Variants in TMEM87A observed in about 807,000 individuals in gnomAD.
The protein encoded by TMEM87A is transmembrane protein 87A.
In TMEM87A, 50 loss-of-function variants were observed where a neutral mutation model predicts 90.0. The observed-to-expected ratio is 0.56, with a 90% CI of 0.44 to 0.70. The LOEUF is 0.70. Among genes scored for constraint, TMEM87A ranks in the 30% least tolerant of loss-of-function variants. TMEM87A has a pLI of 0.00. For synonymous variants in TMEM87A, 226 were observed against 226.7 expected, an observed-to-expected ratio of 1.00 and a Z score of 0.03; for missense variants, 577 against 660.5, an observed-to-expected ratio of 0.87 and a Z score of 1.39.
Position 42,211,105 on chromosome 15 carries a change from T to G in TMEM87A, c.*603A>C, listed in dbSNP as rs1482901592. 1 of 152,370 alleles carries G rather than the reference T, an allele frequency of 6.6e-6. No homozygotes were observed. The highest frequency in any genetic ancestry group is 1.5e-5 in the Non-Finnish European group (1 of 67,998). The allele number at this position is 152,370 out of a possible 1,614,324, so 9.4% of individuals were successfully genotyped here. The stretch of plus-strand genomic sequence containing the variant: ...CAAAATTGCACTTGATTTTGCTTTT[T>G]TAAATGATCTGAATCATACTGTAAC... On this transcript the variant is annotated 3_prime_UTR_variant, in exon 20 of 20. Coordinates refer to ENST00000389834, the MANE Select transcript of TMEM87A (RefSeq NM_015497.5).
At chr15:42,224,466 T>C (rs1238226927) in intron 15 of TMEM87A, 1 of 152,220 alleles carries the variant, frequency 6.6e-6, no homozygotes. Flanking sequence ...CTTGATGTAC[T>C]TCCTCAGAAG....
intron 19 of TMEM87A, among the ~76,000 whole-genome samples, chr15:42,217,156 G>A (rs1421730913): frequency 6.6e-6 from 1 of 151,954 alleles, no homozygotes; most frequent in South Asian, 2.1e-4. Context: ...GTTTCACCAC[G>A]TTGCCCAGGC....
chr15:42,242,782 T>A (rs541353644), intron 7 of TMEM87A, among the ~76,000 whole-genome samples: 60 of 152,138 alleles, frequency 3.9e-4, no homozygotes, highest in Admixed American at 2.0e-3. Context: ...ACATTTTTTT[T>A]AAAAAAGGAA....
At chr15:42,258,317 A>G (rs2051221587) in intron 6 of TMEM87A, 1 of 689,996 alleles carries the variant, frequency 1.4e-6, no homozygotes, top group Non-Finnish European at 1.8e-6. Flanking sequence ...GAAGATAAAT[A>G]TATCACTGCA....
intron 19 of TMEM87A, among the ~76,000 whole-genome samples, chr15:42,216,911 C>T (rs2050392472): frequency 6.6e-6 from 1 of 151,070 alleles, no homozygotes; most frequent in Non-Finnish European, 1.5e-5. Context: ...ATATTCAGAA[C>T]ATATCCAGAA....
intron 6 of TMEM87A, among the ~76,000 whole-genome samples, chr15:42,247,116 T>G (rs1217188778): frequency 2.0e-5 from 3 of 152,248 alleles, no homozygotes. Context: ...TCTGTTCATA[T>G]CCTTTGTCCA....
At chr15:42,269,942 C>CAA (rs11308996) in intron 2 of TMEM87A, among the ~76,000 whole-genome samples, 62 of 71,636 alleles carry the variant, frequency 8.7e-4, no homozygotes, top group African/African-American at 2.6e-3. Flanking sequence ...GACTCCGTCT[C>CAA]AAAAAAAAAA....
At position 42,226,303 on chromosome 15, in the gene TMEM87A, G is replaced by A. The variant is rs541440042; in HGVS notation, c.1403+503C>T. On this transcript the variant is annotated intron_variant, in intron 15 of 19. Transcript: ENST00000389834. The stretch of plus-strand genomic sequence containing the variant: ...GCGTGAGCCACCACGCCCAGCCCCT[G>A]TGTCGGTATTTTTTTTTTTTTTTTG... Among the ~76,000 whole-genome samples the A allele has an allele frequency of 4.0e-5, 6 of 150,430 alleles. No individual in the cohort carries two copies. In the East Asian group the frequency reaches 1.2e-3, roughly 29 times the overall value.
intron 6 of TMEM87A, among the ~76,000 whole-genome samples, chr15:42,245,802 G>A (rs1204890220): frequency 2.6e-5 from 4 of 152,034 alleles, no homozygotes. Flanking sequence ...TAAGTGCTAG[G>A]ATTAAGGTGT....
At chr15:42,242,627 T>G (rs573147433) in intron 7 of TMEM87A, among the ~76,000 whole-genome samples, 27 of 152,090 alleles carry the variant, frequency 1.8e-4, no homozygotes, top group African/African-American at 6.5e-4. Flanking sequence ...AACCAAGTAG[T>G]GGTATCCCAG....
In TMEM87A at chr15:42,273,243, G is replaced by A. The variant is rs1357050052; in HGVS notation, c.144+12C>T. The A allele has an allele frequency of 3.1e-6, 5 of 1,613,902 alleles. No individual in the cohort carries two copies. Among genetic ancestry groups the A allele is most frequent in the Non-Finnish European group, 3.4e-6 (4 of 1,179,978 alleles). ...TCCTCTAGGTTCAGACGTTAGTGAAGTGAATACTCACCGACGGTATCGGAA... is the reference window on the plus strand; with the variant it reads ...TCCTCTAGGTTCAGACGTTAGTGAAATGAATACTCACCGACGGTATCGGAA... On this transcript the variant is annotated intron_variant, in intron 1 of 19. Coordinates refer to ENST00000389834, the MANE Select transcript of TMEM87A (RefSeq NM_015497.5).
intron 7 of TMEM87A, among the ~76,000 whole-genome samples, chr15:42,243,624 A>G (rs2140951602): frequency 6.7e-6 from 1 of 148,296 alleles, no homozygotes; most frequent in Non-Finnish European, 1.5e-5. Context: ...GGTTCAAGCG[A>G]TTCTCCCGCC....
chr15:42,246,907 C>T lies in TMEM87A; in HGVS notation c.505-2740G>A, dbSNP rs7163016. Among the ~76,000 whole-genome samples the T allele has an allele frequency of 2.6e-3, 403 of 152,336 alleles. 1 individual carries two copies. The highest frequency in any genetic ancestry group is 9.4e-3 in the African/African-American group (389 of 41,580). On this transcript the variant is annotated intron_variant, in intron 6 of 19. Transcript: ENST00000389834. ...ATGGCTGAACTAGTTTACACCCCCA[C>T]CAACAGTGTAAAAGTGTTCCTATTT...
intron 19 of TMEM87A, 71 bp downstream of exon 19, chr15:42,217,732 T>C (rs1566920895): frequency 2.7e-6 from 4 of 1,476,150 alleles, no homozygotes; most frequent in Middle Eastern, 1.8e-4. Flanking sequence ...AGAATCTCCA[T>C]GAACAGACGA....
chr15:42,238,677 T>C (rs765906713), intron 8 of TMEM87A, among the ~76,000 whole-genome samples: 1 of 151,320 alleles, frequency 6.6e-6, no homozygotes, highest in African/African-American at 2.4e-5. Flanking sequence ...CAGCCTGGAG[T>C]TTAAGGCTGC....
intron 1 of TMEM87A, 57 bp downstream of exon 1, chr15:42,273,198 G>A (rs2051589507): frequency 2.5e-6 from 4 of 1,603,020 alleles, no homozygotes; most frequent in Admixed American, 3.4e-5. Context: ...CCCTTGGGCC[G>A]CCGTAGCCCC....
Position 42,261,425 on chromosome 15 carries a change from C to T in TMEM87A, c.406-176G>A, listed in dbSNP as rs571603491. ...TAACCACAAACAAGTGAATAAAACCCTGCTGGGAACTAGAAAATAGTATCA... is the reference window on the plus strand; with the variant it reads ...TAACCACAAACAAGTGAATAAAACCTTGCTGGGAACTAGAAAATAGTATCA... On this transcript the variant is annotated intron_variant, in intron 4 of 19. Coordinates refer to ENST00000389834, the MANE Select transcript of TMEM87A (RefSeq NM_015497.5). Among the ~76,000 whole-genome samples, 4 of 152,264 alleles carry T rather than the reference C, an allele frequency of 2.6e-5. No individual in the cohort carries two copies. In the East Asian group the frequency reaches 7.7e-4, roughly 29 times the overall value.
chr15:42,240,628 C>T (rs1047320850), intron 7 of TMEM87A, among the ~76,000 whole-genome samples: 3 of 152,084 alleles, frequency 2.0e-5, no homozygotes, highest in Non-Finnish European at 4.4e-5. Flanking sequence ...TCAAGATGGA[C>T]TATTTTATTA....
chr15:42,250,460 T>C (rs956351479), intron 6 of TMEM87A, among the ~76,000 whole-genome samples: 1 of 152,186 alleles, frequency 6.6e-6, no homozygotes, highest in African/African-American at 2.4e-5. Context: ...AGGGCAGGCC[T>C]GGTGGTGACA....
Sources: allele counts gnomAD v4.1 joint callset (sites outside exome capture counted in the v4.1 genomes callset), GRCh38; gene constraint gnomAD v4.1.1; transcripts MANE v1.5; gene names NCBI Gene and HGNC (gene_info 2026-07-23, HGNC 2026-07-21).